Variants in MTPN observed in about 807,000 individuals in gnomAD.
The protein encoded by MTPN is granule cell differentiation protein.
In MTPN, 2 loss-of-function variants were observed where a neutral mutation model predicts 13.5. The ratio of observed to expected loss-of-function variants is 0.15; its 90% confidence interval spans 0.06 to 0.47. MTPN has a LOEUF of 0.47. Among genes scored for constraint, MTPN ranks in the 20% least tolerant of loss-of-function variants. The pLI is 0.97. For synonymous variants in MTPN, 46 were observed against 51.7 expected (o/e 0.89, Z 0.48); for missense variants, 79 against 137.9 (o/e 0.57, Z 2.14).
intron 3 of MTPN, among the ~76,000 whole-genome samples, chr7:135,931,790 C>A (rs1799025864): frequency 6.6e-6 from 1 of 152,120 alleles, no homozygotes; most frequent in African/African-American, 2.4e-5. Flanking sequence ...CTAATTTCAT[C>A]TTGGGGAATC....
chr7:135,927,868 G>T lies in MTPN; in HGVS notation c.*2058C>A, dbSNP rs28373414. 4,399 of 355,296 alleles carry T rather than the reference G, an allele frequency of 0.012. 183 individuals are homozygous for T. The highest frequency in any genetic ancestry group is 0.089 in the African/African-American group (4,097 of 45,926). 22.0% of individuals were successfully genotyped at this position (355,296 alleles called of 1,614,324 possible). ...ACCATGAATGTAGAAAGCAGACCAG[G>T]TTTAGGAATGATAGGACAATGCACT... On this transcript the variant is annotated 3_prime_UTR_variant, in exon 4 of 4. Transcript: ENST00000393085.
intron 1 of MTPN, among the ~76,000 whole-genome samples, chr7:135,970,559 T>C (rs1180626204): frequency 1.3e-5 from 2 of 152,186 alleles, no homozygotes; most frequent in East Asian, 3.8e-4. Context: ...TTTACTTTAT[T>C]CAATACAGCT....
chr7:135,932,315 C>G (rs1182324820), intron 3 of MTPN: 2 of 152,070 alleles, frequency 1.3e-5, no homozygotes, highest in Non-Finnish European at 2.9e-5. Flanking sequence ...TACCCAGAGC[C>G]CTGCAGTTGC....
At chr7:135,953,757 T>C (rs954854781) in intron 1 of MTPN, among the ~76,000 whole-genome samples, 6 of 152,200 alleles carry the variant, frequency 3.9e-5, no homozygotes, top group Admixed American at 3.3e-4. Context: ...ATTTCAAATA[T>C]ATATTTTTTT....
chr7:135,966,615 G>T (rs912632067), intron 1 of MTPN, among the ~76,000 whole-genome samples: 5 of 152,242 alleles, frequency 3.3e-5, no homozygotes, highest in Middle Eastern at 3.4e-3. Context: ...CCTGGGCACA[G>T]AAGAGATGCT....
intron 3 of MTPN, among the ~76,000 whole-genome samples, chr7:135,939,111 G>A (rs140392353): frequency 1.6e-4 from 25 of 152,222 alleles, no homozygotes; most frequent in Admixed American, 3.3e-4. Context: ...GTCCAAGAGC[G>A]GAGGATCTGT....
At chr7:135,952,709 C>A (rs764511461) in intron 1 of MTPN, among the ~76,000 whole-genome samples, 1 of 152,176 alleles carries the variant, frequency 6.6e-6, no homozygotes, top group African/African-American at 2.4e-5. Context: ...CACCTGTAAT[C>A]CCAGCACTTT....
At chr7:135,953,022 A>G (rs1324301174) in intron 1 of MTPN, among the ~76,000 whole-genome samples, 3 of 152,198 alleles carry the variant, frequency 2.0e-5, no homozygotes, top group Non-Finnish European at 1.5e-5. Flanking sequence ...CAACTCATCA[A>G]GCCATACCCT....
At chr7:135,931,817 T>G (rs1186654714) in intron 3 of MTPN, among the ~76,000 whole-genome samples, 1 of 152,180 alleles carries the variant, frequency 6.6e-6, no homozygotes, top group Non-Finnish European at 1.5e-5. Context: ...CCCCTCTTGC[T>G]TTTTAAAATT....
intron 3 of MTPN, among the ~76,000 whole-genome samples, chr7:135,938,219 A>C (rs1799147079): frequency 6.6e-6 from 1 of 152,184 alleles, no homozygotes; most frequent in Non-Finnish European, 1.5e-5. Flanking sequence ...ATGGAGGGCA[A>C]ACTGTGTGTT....
intron 3 of MTPN, among the ~76,000 whole-genome samples, chr7:135,943,073 G>C (rs1465696457): frequency 6.6e-6 from 1 of 152,174 alleles, no homozygotes; most frequent in Non-Finnish European, 1.5e-5. Flanking sequence ...AGACAATTCA[G>C]TAAGGCACTG....
chr7:135,976,759 C>T (rs1172780616), intron 1 of MTPN, among the ~76,000 whole-genome samples: 1 of 152,130 alleles, frequency 6.6e-6, no homozygotes, highest in Non-Finnish European at 1.5e-5. Flanking sequence ...CCAGACACCA[C>T]TCCTCCCCTC....
At chr7:135,950,546 C>T (rs1274264412) in intron 3 of MTPN, 53 bp downstream of exon 3, 4 of 1,342,080 alleles carry the variant, frequency 3.0e-6, no homozygotes, top group African/African-American at 2.9e-5. Context: ...CAATCAAATA[C>T]TTGGCTTAAA....
Position 135,937,265 on chromosome 7 carries a change from T to C in MTPN, c.271-7253A>G, listed in dbSNP as rs555482464. On this transcript the variant is annotated intron_variant, in intron 3 of 3. Coordinates refer to ENST00000393085, the MANE Select transcript of MTPN (RefSeq NM_145808.4). ...TAGTTATACTGATAAATTGACAGAA[T>C]AACAAGCAGCTTTGTTTCCATGCAA... is the stretch of plus-strand genomic sequence containing the variant. 5.3e-5 allele frequency among the ~76,000 whole-genome samples: 8 copies of C among 152,180 alleles called. No homozygotes were observed. In the East Asian group the frequency reaches 1.4e-3, roughly 26 times the overall value.
intron 1 of MTPN, among the ~76,000 whole-genome samples, chr7:135,954,439 T>C (rs1799409976): frequency 6.6e-6 from 1 of 152,244 alleles, no homozygotes; most frequent in African/African-American, 2.4e-5. Context: ...TTAGTCTTTA[T>C]TCACAACTAC....
chr7:135,959,163 T>C (rs1260948638), intron 1 of MTPN, among the ~76,000 whole-genome samples: 1 of 152,178 alleles, frequency 6.6e-6, no homozygotes, highest in African/African-American at 2.4e-5. Context: ...TCACGAGACA[T>C]CATTCTTGAA....
At chr7:135,952,531 A>G (rs1799378032) in intron 1 of MTPN, among the ~76,000 whole-genome samples, 1 of 152,212 alleles carries the variant, frequency 6.6e-6, no homozygotes, top group African/African-American at 2.4e-5. Flanking sequence ...AGGTTAAATA[A>G]CTTTTTACTG....
chr7:135,928,082 T>A lies in MTPN; in HGVS notation c.*1844A>T, dbSNP rs1483908361. ...TCCATTTTCAATGAGGATGTCTCCA[T>A]ATTTTAGTTCAGTGATGTAATAAAG... On this transcript the variant is annotated 3_prime_UTR_variant, in exon 4 of 4. Coordinates refer to ENST00000393085, the MANE Select transcript of MTPN (RefSeq NM_145808.4). 5.6e-6 allele frequency: 1 copy of A among 177,860 alleles called. No individual in the cohort carries two copies. The highest frequency in any genetic ancestry group is 1.8e-4 in the East Asian group (1 of 5,458). The allele number at this position is 177,860 out of a possible 1,614,324, so 11.0% of individuals were successfully genotyped here.
chr7:135,952,303 G>A (rs1235287470), intron 1 of MTPN, among the ~76,000 whole-genome samples: 1 of 152,092 alleles, frequency 6.6e-6, no homozygotes, highest in Non-Finnish European at 1.5e-5. Flanking sequence ...TGACAATCCT[G>A]GTGATGAATG....
Sources: allele counts gnomAD v4.1 joint callset (sites outside exome capture counted in the v4.1 genomes callset), GRCh38; gene constraint gnomAD v4.1.1; transcripts MANE v1.5; gene names NCBI Gene and HGNC (gene_info 2026-07-23, HGNC 2026-07-21).